The following ZFPM2 variants were observed in gnomAD, a reference collection of about 807,000 sequenced individuals.
The protein encoded by ZFPM2 is zinc finger protein, FOG family member 2.
Under a neutral mutation model 98.6 loss-of-function variants are expected in ZFPM2, and 20 were observed. The ratio of observed to expected loss-of-function variants is 0.20; its 90% CI spans 0.14 to 0.29. ZFPM2 has a LOEUF of 0.29. Ranked by LOEUF, ZFPM2 falls within the 10% of genes least tolerant of loss-of-function variation. The pLI, the probability that ZFPM2 is intolerant of heterozygous loss-of-function variation, is 1.00. For synonymous variants in ZFPM2, 518 were observed against 502.7 expected (o/e 1.03, Z -0.41); for missense variants, 1,310 against 1,388.6 (o/e 0.94, Z 0.90).
At chr8:105,520,909 G>A (rs191203718) in intron 3 of ZFPM2, among the ~76,000 whole-genome samples, 3 of 152,164 alleles carry the variant, frequency 2.0e-5, no homozygotes, top group Admixed American at 2.0e-4. Flanking sequence ...GAGATTAGCT[G>A]ATAATAGACA....
At chr8:105,489,466 A>ATTTTTTT (rs369037656) in intron 3 of ZFPM2, among the ~76,000 whole-genome samples, 2 of 119,810 alleles carry the variant, frequency 1.7e-5, no homozygotes, top group African/African-American at 7.2e-5. Context: ...ATATATATAT[A>ATTTTTTT]TTTTTTTTTT....
chr8:105,318,850 C>CGGT lies in ZFPM2; in HGVS notation c.-90_-89insTGG. On this transcript the variant is annotated 5_prime_UTR_variant, in exon 1 of 8. Coordinates refer to ENST00000407775, the MANE Select transcript of ZFPM2 (RefSeq NM_012082.4). ...GCGGCGGGCCGAGCCTGGCCAGCGG[C>CGGT]GGCGGCGGCGGCGGCGGCGGCGGGA... 9 of 712,728 alleles carry CGGT rather than the reference C, an allele frequency of 1.3e-5. No individual in the cohort carries two copies. The highest frequency in any genetic ancestry group is 1.4e-5 in the Non-Finnish European group (9 of 626,488). 44.2% of individuals were successfully genotyped at this position (712,728 alleles called of 1,614,324 possible).
intron 1 of ZFPM2, among the ~76,000 whole-genome samples, chr8:105,325,395 T>A (rs2130653558): frequency 6.6e-6 from 1 of 151,950 alleles, no homozygotes; most frequent in Non-Finnish European, 1.5e-5. Context: ...CTAGTATCTC[T>A]GCCACAGGTA....
At chr8:105,441,850 T>A (rs1230933341) in intron 2 of ZFPM2, among the ~76,000 whole-genome samples, 2 of 152,020 alleles carry the variant, frequency 1.3e-5, no homozygotes, top group Non-Finnish European at 2.9e-5. Flanking sequence ...GGAGGCTCAG[T>A]AGAGAAGGGC....
chr8:105,366,676 C>G (rs992239861), intron 1 of ZFPM2, among the ~76,000 whole-genome samples: 1 of 124,400 alleles, frequency 8.0e-6, no homozygotes, highest in Admixed American at 9.0e-5. Flanking sequence ...CCCCTCCCCC[C>G]ACCCCACCAT....
intron 3 of ZFPM2, among the ~76,000 whole-genome samples, chr8:105,457,259 G>T (rs1392576213): frequency 2.6e-5 from 4 of 152,078 alleles, no homozygotes; most frequent in Non-Finnish European, 4.4e-5. Context: ...ATAAACTCAT[G>T]CACTTGTTTC....
intron 5 of ZFPM2, among the ~76,000 whole-genome samples, chr8:105,673,571 T>C (rs1817637225): frequency 1.3e-5 from 2 of 152,096 alleles, no homozygotes; most frequent in South Asian, 4.1e-4. Flanking sequence ...TTTCCTTCCT[T>C]TGGTGAACAC....
At chr8:105,534,449 T>TCCTCCTTTTCTTCCTTCCTC (rs1384702668) in intron 3 of ZFPM2, among the ~76,000 whole-genome samples, 3 of 146,480 alleles carry the variant, frequency 2.0e-5, no homozygotes, top group African/African-American at 8.0e-5. Context: ...CTTCCTCTCT[T>TCCTCCTTTTCTTCCTTCCTC]CCTTCCTTCC....
At chr8:105,723,470 A>C (rs1202898164) in intron 5 of ZFPM2, among the ~76,000 whole-genome samples, 2 of 151,866 alleles carry the variant, frequency 1.3e-5, no homozygotes, top group Middle Eastern at 3.2e-3. Context: ...CTATTTCAAC[A>C]ATTCTGGTGT....
chr8:105,373,015 C>G (rs1810654798), intron 1 of ZFPM2, among the ~76,000 whole-genome samples: 1 of 152,066 alleles, frequency 6.6e-6, no homozygotes, highest in Non-Finnish European at 1.5e-5. Context: ...CATAAGGGCA[C>G]CAAGTGCTCT....
At chr8:105,671,779 A>G (rs888993645) in intron 5 of ZFPM2, among the ~76,000 whole-genome samples, 3 of 152,082 alleles carry the variant, frequency 2.0e-5, no homozygotes, top group African/African-American at 2.4e-5. Flanking sequence ...CTGTGTGACA[A>G]TTTTCTAAGC....
intron 5 of ZFPM2, among the ~76,000 whole-genome samples, chr8:105,649,168 G>A (rs574565731): frequency 6.6e-5 from 10 of 152,014 alleles, no homozygotes; most frequent in East Asian, 1.9e-4. Context: ...CTCATGATTC[G>A]GCCCCCTCTT....
rs376120493 is a variant in ZFPM2 at position 105,802,996 on chromosome 8, A to G, written c.2914A>G (p.Ile972Val). 4.3e-6 allele frequency: 7 copies of G among 1,612,928 alleles called. No individual in the cohort carries two copies. The highest frequency in any genetic ancestry group is 2.7e-5 in the African/African-American group (2 of 74,898). Residue 972 changes from isoleucine (I) to valine (V), a missense_variant, in exon 8 of 8, where the codon ATA (isoleucine) becomes GTA (valine). Ile to Val is a conservative substitution (Grantham distance 29). Transcript: ENST00000407775. ...TCCACAATGCCTTTACCCTGGAGCA[A>G]TAAAGAAAGCAAAAGGAGCCGACCA... Reference protein sequence around the residue: ...FLPQCLYPGAIKKAKGADQLS... With the variant: ...FLPQCLYPGAVKKAKGADQLS...
chr8:105,562,344 AT>A (rs1173077237), intron 4 of ZFPM2, among the ~76,000 whole-genome samples: 4 of 143,502 alleles, frequency 2.8e-5, no homozygotes, highest in African/African-American at 8.9e-5. Flanking sequence ...AAATAAATAA[AT>A]AAATAAATAA....
At chr8:105,367,201 G>C (rs943344179) in intron 1 of ZFPM2, among the ~76,000 whole-genome samples, 2 of 78,220 alleles carry the variant, frequency 2.6e-5, no homozygotes, top group Non-Finnish European at 4.7e-5. Flanking sequence ...TTGACTTGGC[G>C]ATGCGGGCTC....
rs151111971 is a variant in ZFPM2 at position 105,572,859 on chromosome 8, T to A, written c.420+11378T>A. 1.2e-4 allele frequency among the ~76,000 whole-genome samples: 19 copies of A among 152,326 alleles called. No individual in the cohort carries two copies. The East Asian group carries it at 3.7e-3, about 29-fold the overall frequency. On this transcript the variant is annotated intron_variant, in intron 4 of 7. Coordinates refer to ENST00000407775, the MANE Select transcript of ZFPM2 (RefSeq NM_012082.4). ...CTTGACAAAACTGTGGCTTCTTGATTCTAATAATTTCAGCGTCTTCTGTGC... is the reference window on the plus strand; with the variant it reads ...CTTGACAAAACTGTGGCTTCTTGATACTAATAATTTCAGCGTCTTCTGTGC...
At chr8:105,613,415 A>C (rs1816347271) in intron 4 of ZFPM2, among the ~76,000 whole-genome samples, 1 of 152,194 alleles carries the variant, frequency 6.6e-6, no homozygotes, top group Non-Finnish European at 1.5e-5. Context: ...GAAGCTGATG[A>C]ATTTTAGTAA....
intron 5 of ZFPM2, among the ~76,000 whole-genome samples, chr8:105,720,690 A>G (rs1012119990): frequency 3.9e-5 from 6 of 151,922 alleles, no homozygotes; most frequent in African/African-American, 1.4e-4. Context: ...AATTCAAATA[A>G]GCATGTAAAT....
intron 5 of ZFPM2, among the ~76,000 whole-genome samples, chr8:105,781,154 G>A (rs1813238412): frequency 6.6e-6 from 1 of 152,162 alleles, no homozygotes; most frequent in African/African-American, 2.4e-5. Context: ...TGGCTCTTGG[G>A]TAGGGTCCAA....
Sources: allele counts gnomAD v4.1 joint callset (sites outside exome capture counted in the v4.1 genomes callset), GRCh38; gene constraint gnomAD v4.1.1; transcripts MANE v1.5; gene names NCBI Gene and HGNC (gene_info 2026-07-23, HGNC 2026-07-21).